DDX55: variants seen among roughly 807,000 people sequenced by gnomAD.
DDX55 encodes the protein ATP-dependent RNA helicase DDX55.
DDX55 carries 56 observed loss-of-function variants against 69.2 expected under a neutral mutation model. The ratio of observed to expected loss-of-function variants is 0.81; its 90% CI spans 0.65 to 1.01. The LOEUF (loss-of-function observed/expected upper bound fraction) is 1.01. DDX55 is among the 50% of genes least tolerant of loss of function. The pLI is 0.00. For missense variants in DDX55, 720 were observed against 745.1 expected (o/e 0.97, Z 0.39); for synonymous variants, 268 against 273.1 (o/e 0.98, Z 0.18).
intron 7 of DDX55, among the ~76,000 whole-genome samples, chr12:123,610,982 C>T (rs184551548): frequency 6.6e-6 from 1 of 151,454 alleles, no homozygotes; most frequent in African/African-American, 2.4e-5. Flanking sequence ...CTCACTGCAA[C>T]CTCTGCCTCC....
At chr12:123,613,709 T>G (rs1954440898) in intron 8 of DDX55, among the ~76,000 whole-genome samples, 1 of 152,330 alleles carries the variant, frequency 6.6e-6, no homozygotes, top group African/African-American at 2.4e-5. Context: ...TGTGAATTCA[T>G]CTTAGGGGCC....
intron 7 of DDX55, among the ~76,000 whole-genome samples, chr12:123,611,594 C>T (rs1954249408): frequency 6.6e-6 from 1 of 152,200 alleles, no homozygotes; most frequent in Non-Finnish European, 1.5e-5. Context: ...CCAGAATGTT[C>T]CTATTGCTGC....
Position 123,607,485 on chromosome 12 carries a change from G to C in DDX55, c.300G>C (p.Glu100Asp). The change falls in exon 4 of 14, where the codon GAG becomes GAC. Residue 100 changes from glutamate to aspartate, a missense_variant. Physicochemically the swap from Glu to Asp is conservative, Grantham distance 45. Transcript: ENST00000238146. ...GAGAGCTGGCCATTCAAATAGACGA[G>C]GTCCTGTCGCATTTCACGAAGCACT... is the stretch of plus-strand genomic sequence containing the variant. ...PTRELAIQID[E>D]VLSHFTKHFP... 6.2e-7 allele frequency: 1 copy of C among 1,614,110 alleles called. No individual in the cohort carries two copies. The highest frequency in any genetic ancestry group is 8.5e-7 in the Non-Finnish European group (1 of 1,180,040).
Position 123,610,136 on chromosome 12 carries a change from C to T in DDX55, c.741+8C>T, listed in dbSNP as rs756537886. The stretch of plus-strand genomic sequence containing the variant: ...CTGGAAAACTACTACATGGTAAGCG[C>T]CTGGGCTTGCTTCTTACTCAGCGAT... On this transcript the variant is annotated splice_region_variant and intron_variant, in intron 7 of 13. Coordinates refer to ENST00000238146, the MANE Select transcript of DDX55 (RefSeq NM_020936.3). The T allele has an allele frequency of 6.2e-7, 1 of 1,609,612 alleles. No homozygotes were observed. Among genetic ancestry groups the T allele is most frequent in the Non-Finnish European group, 8.5e-7 (1 of 1,178,536 alleles).
intron 12 of DDX55, 100 bp downstream of exon 12, chr12:123,618,937 G>T (rs1593759460): frequency 1.3e-6 from 2 of 1,513,078 alleles, no homozygotes; most frequent in Middle Eastern, 2.2e-4. Flanking sequence ...GTGTTCCCAG[G>T]TTTTGAGTAG....
Position 123,607,486 on chromosome 12 carries a change from G to T in DDX55, c.301G>T (p.Val101Phe). 1 of 1,614,090 alleles carries T rather than the reference G, an allele frequency of 6.2e-7. No homozygotes were observed. The change falls in exon 4 of 14, where the codon GTC becomes TTC. Residue 101 changes from valine to phenylalanine, a missense_variant. Physicochemically the swap from Val to Phe is conservative, Grantham distance 50 (BLOSUM62 -1). Transcript: ENST00000238146. The stretch of plus-strand genomic sequence containing the variant: ...AGAGCTGGCCATTCAAATAGACGAG[G>T]TCCTGTCGCATTTCACGAAGCACTT... Reference protein sequence around the residue: ...TRELAIQIDEVLSHFTKHFPE... With the variant: ...TRELAIQIDEFLSHFTKHFPE...
At chr12:123,604,785 C>G (rs1953785956) in intron 1 of DDX55, 1 of 152,096 alleles carries the variant, frequency 6.6e-6, no homozygotes, top group Non-Finnish European at 1.5e-5. Context: ...TCACCCATTT[C>G]TTTTTACTTT....
chr12:123,602,293 G>C (rs1346569074), intron 1 of DDX55, 37 bp downstream of exon 1: 1 of 1,508,408 alleles, frequency 6.6e-7, no homozygotes, highest in Admixed American at 2.0e-5. Context: ...GAGGCTGGGA[G>C]AGGGGCAGGC....
rs1955001372 is a variant in DDX55, at chr12:123,619,680, AAAG to A, written c.1585_1587del (p.Glu529del). Reference sequence around the variant, plus strand: ...AGCTTGGTCAAAGCAGAAGGCCAAAAAAGAAAAGAAGAAAAAAATGAATGAGAA... The same window carrying A: ...AGCTTGGTCAAAGCAGAAGGCCAAAAAAAAGAAGAAAAAAATGAATGAGAA... On this transcript the variant is annotated inframe_deletion, in exon 13 of 14. Coordinates refer to ENST00000238146, the MANE Select transcript of DDX55 (RefSeq NM_020936.3). 4 of 1,581,106 alleles carry A rather than the reference AAAG, an allele frequency of 2.5e-6. No individual in the cohort carries two copies. Among genetic ancestry groups the A allele is most frequent in the Non-Finnish European group, 3.4e-6 (4 of 1,172,248 alleles).
chr12:123,607,403 G>A (rs116046932), intron 3 of DDX55, 29 bp from the exon 4 acceptor site: 2 of 1,612,104 alleles, frequency 1.2e-6, no homozygotes, highest in Admixed American at 1.7e-5. Flanking sequence ...TTGTGCTGCT[G>A]ACTGTGTCCC....
intron 7 of DDX55, among the ~76,000 whole-genome samples, chr12:123,612,041 A>G (rs77114115): frequency 0.012 from 1,753 of 152,314 alleles, 16 homozygotes; most frequent in South Asian, 0.032. Flanking sequence ...CACAATAAGT[A>G]TGGGTTGAGC....
At position 123,602,158 on chromosome 12, in the gene DDX55, G is replaced by A. The variant is rs748271856; in HGVS notation, c.10G>A (p.Val4Met). The A allele has an allele frequency of 1.3e-6, 2 of 1,556,802 alleles. No individual in the cohort carries two copies. Among genetic ancestry groups the A allele is most frequent in the South Asian group, 2.4e-5 (2 of 84,910 alleles). Reference protein sequence around the residue: MEHVTEGSWESLPV... With the variant: MEHMTEGSWESLPV... ...GGCGAAGGAGCGCGCCATGGAGCAT[G>A]TGACAGAGGGCTCCTGGGAGTCGCT... is the stretch of plus-strand genomic sequence containing the variant. The change falls in exon 1 of 14, where the codon GTG (valine) becomes ATG (methionine). Residue 4 changes from valine (V) to methionine (M), a missense_variant. Coordinates refer to ENST00000238146, the MANE Select transcript of DDX55 (RefSeq NM_020936.3).
chr12:123,615,756 G>A (rs896658069), intron 9 of DDX55, among the ~76,000 whole-genome samples: 26 of 152,218 alleles, frequency 1.7e-4, no homozygotes, highest in African/African-American at 5.5e-4. Flanking sequence ...AGGCCGAGGC[G>A]GGTGGATCAC....
At chr12:123,612,370 T>A (rs906855147) in intron 7 of DDX55, among the ~76,000 whole-genome samples, 7 of 152,168 alleles carry the variant, frequency 4.6e-5, no homozygotes, top group African/African-American at 1.7e-4. Flanking sequence ...GAGAAAAAAT[T>A]CCAAACTGGG....
At chr12:123,607,579 A>T in intron 4 of DDX55, 21 bp from the exon 5 acceptor site, 1 of 1,614,162 alleles carries the variant, frequency 6.2e-7, no homozygotes, top group Non-Finnish European at 8.5e-7. Context: ...AACTTAATCA[A>T]AGGCTGTTTT....
chr12:123,613,321 T>C, intron 8 of DDX55, 69 bp downstream of exon 8: 1 of 1,500,838 alleles, frequency 6.7e-7, no homozygotes, highest in East Asian at 2.3e-5. Context: ...ATGCGGCCTT[T>C]GGGTTTTGGA....
At chr12:123,612,597 A>C (rs1160382225) in intron 7 of DDX55, among the ~76,000 whole-genome samples, 1 of 151,976 alleles carries the variant, frequency 6.6e-6, no homozygotes, top group Non-Finnish European at 1.5e-5. Context: ...TCCTGGGGGA[A>C]CTCTTAAATA....
intron 8 of DDX55, among the ~76,000 whole-genome samples, chr12:123,613,644 A>G (rs560492979): frequency 9.8e-5 from 15 of 152,304 alleles, no homozygotes; most frequent in African/African-American, 3.4e-4. Flanking sequence ...CATGCCTTTT[A>G]ATCAGGAGAG....
chr12:123,606,839 G>A (rs947247402), intron 3 of DDX55, among the ~76,000 whole-genome samples: 1 of 152,140 alleles, frequency 6.6e-6, no homozygotes, highest in Non-Finnish European at 1.5e-5. Flanking sequence ...GCCTCCCAAA[G>A]TGCTGGGATT....
Sources: gnomAD v4.1 joint callset for allele counts (sites outside exome capture counted in the v4.1 genomes callset) on GRCh38, gnomAD v4.1.1 for gene constraint, MANE v1.5 for transcripts, NCBI Gene and HGNC (gene_info 2026-07-23, HGNC 2026-07-21) for gene names.